The following ABCC5 variants were observed in gnomAD, a reference collection of about 807,000 sequenced individuals.
The protein encoded by ABCC5 is ATP binding cassette subfamily C member 5.
A neutral mutation model predicts 160.9 loss-of-function variants in ABCC5; 61 were observed. That is an observed-to-expected ratio of 0.38 (90% CI 0.31 to 0.47). The LOEUF is 0.47. ABCC5 is among the 20% of genes least tolerant of loss of function. The pLI is 0.99. For synonymous variants in ABCC5, 666 were observed against 700.6 expected, an observed-to-expected ratio of 0.95 and a Z score of 0.78; for missense variants, 1,308 against 1,813.3, an observed-to-expected ratio of 0.72 and a Z score of 5.06.
intron 27 of ABCC5, 74 bp downstream of exon 27, chr3:183,928,673 G>C: frequency 7.4e-7 from 1 of 1,354,364 alleles, no homozygotes; most frequent in Non-Finnish European, 1.1e-6. Flanking sequence ...CAGAGCAGAC[G>C]GGGTGTGGCA....
chr3:183,965,066 T>TGACAGCCTAAC (rs1717090890), intron 14 of ABCC5, 119 bp downstream of exon 14: 20 of 994,606 alleles, frequency 2.0e-5, no homozygotes, highest in Non-Finnish European at 2.9e-5. Flanking sequence ...AAAGGCCTAA[T>TGACAGCCTAAC]GACAGCCTAA....
At chr3:183,954,375 C>T (rs1194602315) in intron 17 of ABCC5, among the ~76,000 whole-genome samples, 2 of 152,192 alleles carry the variant, frequency 1.3e-5, no homozygotes, top group East Asian at 3.9e-4. Flanking sequence ...TCTCGAACTC[C>T]TGACCTCAGG....
chr3:183,984,508 T>C, intron 5 of ABCC5: 1 of 1,104,222 alleles, frequency 9.1e-7, no homozygotes, highest in Non-Finnish European at 1.1e-6. Context: ...CTCTCTGGGT[T>C]AATTTCTTGT....
intron 1 of ABCC5, among the ~76,000 whole-genome samples, chr3:184,016,241 C>G (rs1348836101): frequency 6.6e-6 from 1 of 152,160 alleles, no homozygotes; most frequent in East Asian, 1.9e-4. Context: ...CACTGCTAAA[C>G]TATCCTAAGG....
At chr3:183,935,310 A>G (rs1201242092) in intron 26 of ABCC5, among the ~76,000 whole-genome samples, 1 of 150,000 alleles carries the variant, frequency 6.7e-6, no homozygotes, top group Non-Finnish European at 1.5e-5. Context: ...CCTCCCGTGT[A>G]GCTGGGACTA....
chr3:183,991,621 C>G (rs1719776114), intron 2 of ABCC5, among the ~76,000 whole-genome samples: 1 of 152,222 alleles, frequency 6.6e-6, no homozygotes, highest in Admixed American at 6.5e-5. Context: ...GCAAAGCACA[C>G]TCCTTTCCTT....
Position 183,925,612 on chromosome 3 carries a change from G to A in ABCC5, c.4155C>T (p.Ala1385=), listed in dbSNP as rs188794108. 1 of 1,613,922 alleles carries A rather than the reference G, an allele frequency of 6.2e-7. No homozygotes were observed. Among genetic ancestry groups the A allele is most frequent in the East Asian group, 2.2e-5 (1 of 44,860 alleles). ...AGCCTAGAACCGTGTGCAGGCGATG[G>A]GCAATGGTCAGCATGGTACAGTCTG... ...AFADCTMLTI[A]HRLHTVLGSD... is the part of the protein sequence containing the mutation. The change falls in exon 29 of 30, where the codon GCC becomes GCT. Residue 1385 remains alanine, a synonymous_variant. Coordinates refer to ENST00000334444, the MANE Select transcript of ABCC5 (RefSeq NM_005688.4).
At chr3:183,967,313 G>A (rs541640727) in intron 12 of ABCC5, 7 of 213,130 alleles carry the variant, frequency 3.3e-5, no homozygotes, top group African/African-American at 1.6e-4. Flanking sequence ...AGTGCTGGCC[G>A]CCCTGCTTCT....
chr3:183,945,372 G>A (rs1207589490), intron 24 of ABCC5, among the ~76,000 whole-genome samples: 1 of 152,168 alleles, frequency 6.6e-6, no homozygotes, highest in Non-Finnish European at 1.5e-5. Flanking sequence ...AGTTGGGAGA[G>A]CAGTTTAGAA....
At chr3:183,947,287 A>C (rs1714928671) in intron 23 of ABCC5, 37 bp downstream of exon 23, 3 of 1,545,064 alleles carry the variant, frequency 1.9e-6, no homozygotes, top group Non-Finnish European at 2.6e-6. Context: ...GAAGGGCTCA[A>C]ACAAGCAAAG....
rs201768950 is a variant in ABCC5, at chr3:183,921,381, T to G, written c.4233A>C (p.Pro1411=). ...AACTGTCGTTGGACAGAAGGACCGATGGGGTGTCAAACTCCACCACCTGCA... is the reference window on the plus strand; with the variant it reads ...AACTGTCGTTGGACAGAAGGACCGAGGGGGTGTCAAACTCCACCACCTGCA... ...AQGQVVEFDT[P]SVLLSNDSSR... is the part of the protein sequence containing the mutation. Residue 1411 remains proline (P), a synonymous_variant, in exon 30 of 30, where the codon CCA becomes CCC. Transcript: ENST00000334444. The surrounding 1 kb of genome is among the most constrained non-coding windows in gnomAD (Gnocchi z 4.1). 3.1e-6 allele frequency: 5 copies of G among 1,613,212 alleles called. No individual in the cohort carries two copies. In the East Asian group the frequency reaches 1.1e-4, roughly 36 times the overall value.
In ABCC5 at chr3:183,927,450, A is replaced by G. The variant is rs1286081070; in HGVS notation, c.3934-7T>C. On this transcript the variant is annotated splice_region_variant and splice_polypyrimidine_tract_variant and intron_variant, in intron 27 of 29. Transcript: ENST00000334444. ...TCAGAGGTAGCTGAGCAATCTAGGG[A>G]GAAAGAAACTAGAGATCAGAGGGGT... 8.1e-6 allele frequency: 13 copies of G among 1,609,268 alleles called. No homozygotes were observed. The highest frequency in any genetic ancestry group is 3.4e-5 in the Admixed American group (2 of 59,602).
intron 1 of ABCC5, among the ~76,000 whole-genome samples, chr3:184,016,342 A>C (rs186925583): frequency 5.0e-4 from 76 of 152,304 alleles, no homozygotes; most frequent in African/African-American, 1.6e-3. Context: ...AAAGAGGCAC[A>C]ATCAGGAGAG....
At position 183,971,439 on chromosome 3, in the gene ABCC5, C is replaced by CT. The variant is rs1377876533; in HGVS notation, c.1761+123dup. ...AGAGTTAGAGCTGGTCTAATTTGCTCTTTAGTTCAAAATCACTCCTAGCCA... is the reference window on the plus strand; with the variant it reads ...AGAGTTAGAGCTGGTCTAATTTGCTCTTTTAGTTCAAAATCACTCCTAGCCA... On this transcript the variant is annotated intron_variant, in intron 11 of 29. Coordinates refer to ENST00000334444, the MANE Select transcript of ABCC5 (RefSeq NM_005688.4). 20 of 855,936 alleles carry CT rather than the reference C, an allele frequency of 2.3e-5. No homozygotes were observed. The East Asian group carries it at 4.9e-4, about 21-fold the overall frequency. The allele number at this position is 855,936 out of a possible 1,614,324, so 53.0% of individuals were successfully genotyped here.
chr3:184,011,225 T>C (rs1310315237), intron 2 of ABCC5: 1 of 152,188 alleles, frequency 6.6e-6, no homozygotes, highest in African/African-American at 2.4e-5. Flanking sequence ...CAGAGCCGCT[T>C]CCTGAATGCT....
At chr3:184,006,182 C>T (rs1440486228) in intron 2 of ABCC5, among the ~76,000 whole-genome samples, 2 of 151,678 alleles carry the variant, frequency 1.3e-5, no homozygotes, top group African/African-American at 4.8e-5. Context: ...AGCCGGAGAT[C>T]TCTGGGCTGC....
At chr3:183,928,232 C>T (rs1226517511) in intron 27 of ABCC5, among the ~76,000 whole-genome samples, 1 of 151,926 alleles carries the variant, frequency 6.6e-6, no homozygotes, top group Non-Finnish European at 1.5e-5. Context: ...CTGTCTCAGC[C>T]TCCTGAGTAG....
At chr3:183,930,924 T>C (rs1713114872) in intron 26 of ABCC5, among the ~76,000 whole-genome samples, 1 of 152,242 alleles carries the variant, frequency 6.6e-6, no homozygotes, top group African/African-American at 2.4e-5. Flanking sequence ...AGAGCAGGCA[T>C]GGAGCCCCCT....
rs968602053 is a variant in ABCC5, at chr3:183,920,458, ACT to A, written c.*840_*841del. On this transcript the variant is annotated 3_prime_UTR_variant, in exon 30 of 30. Transcript: ENST00000334444. This position sits in a 1 kb window ranked among gnomAD's most constrained non-coding sequence, Gnocchi z 4.1. The stretch of plus-strand genomic sequence containing the variant: ...AGCCATAGGAACCTGAGGCAGTGGG[ACT>A]CTCTGTGGATAGACTGATTCTTGTT... 2.6e-5 allele frequency: 4 copies of A among 152,512 alleles called. No homozygotes were observed. The highest frequency in any genetic ancestry group is 5.9e-5 in the Non-Finnish European group (4 of 68,042). The allele number at this position is 152,512 out of a possible 1,614,324, so 9.4% of individuals were successfully genotyped here. A position where few individuals can be genotyped will look rare whatever the true frequency, so the allele number is the denominator to read the frequency against.
Sources: allele counts gnomAD v4.1 joint callset (sites outside exome capture counted in the v4.1 genomes callset), GRCh38; gene constraint gnomAD v4.1.1; non-coding constraint Gnocchi (gnomAD v3.1); transcripts MANE v1.5; gene names NCBI Gene and HGNC (gene_info 2026-07-23, HGNC 2026-07-21).